Variants in SGPP2 observed in about 807,000 individuals in gnomAD.
The protein encoded by SGPP2 is sphingosine 1-phosphate phosphohydrolase 2.
Under a neutral mutation model 33.9 loss-of-function variants are expected in SGPP2, and 30 were observed. The ratio of observed to expected loss-of-function variants is 0.89; its 90% CI spans 0.66 to 1.20. The LOEUF (loss-of-function observed/expected upper bound fraction) is 1.20. SGPP2 is among the 50% of genes most tolerant of loss of function. SGPP2 has a pLI of 0.00. For missense variants in SGPP2, 458 were observed against 532.1 expected, an observed-to-expected ratio of 0.86 and a Z score of 1.37; for synonymous variants, 233 against 225.0, an observed-to-expected ratio of 1.04 and a Z score of -0.32.
chr2:222,522,961 G>A (rs555647028), intron 3 of SGPP2, among the ~76,000 whole-genome samples: 27 of 152,220 alleles, frequency 1.8e-4, no homozygotes, highest in Non-Finnish European at 3.5e-4. Context: ...GGGATTACAG[G>A]CATGAGCCAC....
intron 4 of SGPP2, among the ~76,000 whole-genome samples, chr2:222,539,044 C>G (rs1698955686): frequency 6.6e-6 from 1 of 152,174 alleles, no homozygotes; most frequent in African/African-American, 2.4e-5. Context: ...AACAGTCCCC[C>G]AAAGTCTTAA....
chr2:222,467,732 C>T (rs1697767106), intron 1 of SGPP2, among the ~76,000 whole-genome samples: 1 of 151,842 alleles, frequency 6.6e-6, no homozygotes, highest in Non-Finnish European at 1.5e-5. Context: ...AGCTTTGAAT[C>T]TTAACATTAT....
rs531473173 is a variant in SGPP2 at position 222,452,914 on chromosome 2, T to G, written c.220-21654T>G. The stretch of plus-strand genomic sequence containing the variant: ...ACCTGTTTGTAGCTAAGGTTCAGGA[T>G]ATTGGAAAGTTCTTGCATCTGTTGA... On this transcript the variant is annotated intron_variant, in intron 1 of 4. Coordinates refer to ENST00000321276, the MANE Select transcript of SGPP2 (RefSeq NM_152386.4). 1.0e-5 allele frequency: 16 copies of G among 1,589,168 alleles called. No individual in the cohort carries two copies. The African/African-American group carries it at 1.6e-4, about 16-fold the overall frequency.
intron 1 of SGPP2, among the ~76,000 whole-genome samples, chr2:222,437,610 G>T (rs1237735281): frequency 1.3e-5 from 2 of 152,154 alleles, no homozygotes; most frequent in Non-Finnish European, 2.9e-5. Flanking sequence ...TGTGCCTTCA[G>T]GACCTGCTCT....
intron 2 of SGPP2, among the ~76,000 whole-genome samples, chr2:222,487,687 G>C (rs1425800976): frequency 6.6e-6 from 1 of 152,180 alleles, no homozygotes; most frequent in African/African-American, 2.4e-5. Flanking sequence ...TCACAGGAGA[G>C]ACAGTCCGGT....
chr2:222,510,665 G>C (rs1698513514), intron 2 of SGPP2, among the ~76,000 whole-genome samples: 1 of 152,138 alleles, frequency 6.6e-6, no homozygotes, highest in South Asian at 2.1e-4. Flanking sequence ...AGAGCCTCTT[G>C]GTGCTCCGTT....
At position 222,474,695 on chromosome 2, in the gene SGPP2, A is replaced by G; in HGVS notation, c.347A>G (p.Tyr116Cys). The G allele has an allele frequency of 6.2e-7, 1 of 1,613,840 alleles. No homozygotes were observed. Among genetic ancestry groups the G allele is most frequent in the Non-Finnish European group, 8.5e-7 (1 of 1,179,842 alleles). ...LPFTHWNIDPYLSRRLIIIWV... is the reference protein window; with the variant it reads ...LPFTHWNIDPCLSRRLIIIWV... The stretch of plus-strand genomic sequence containing the variant: ...TTCACTCACTGGAATATTGACCCTT[A>G]TTTATCCAGAAGATTGATCATCATA... Residue 116 changes from tyrosine (Y) to cysteine (C), a missense_variant, in exon 2 of 5, where the codon TAT becomes TGT. By Grantham distance (194) the Tyr-to-Cys change is radical. Coordinates refer to ENST00000321276, the MANE Select transcript of SGPP2 (RefSeq NM_152386.4).
intron 1 of SGPP2, among the ~76,000 whole-genome samples, chr2:222,427,578 A>G (rs1317890918): frequency 2.0e-5 from 3 of 151,948 alleles, no homozygotes; most frequent in Non-Finnish European, 2.9e-5. Flanking sequence ...GTGACTGGCG[A>G]TGTTTCGTTT....
At chr2:222,540,240 C>A (rs939257188) in intron 4 of SGPP2, among the ~76,000 whole-genome samples, 2 of 152,116 alleles carry the variant, frequency 1.3e-5, no homozygotes, top group Non-Finnish European at 2.9e-5. Flanking sequence ...ATTTATGTTT[C>A]ATATACACCT....
chr2:222,428,552 A>T (rs1697105924), intron 1 of SGPP2, among the ~76,000 whole-genome samples: 1 of 152,170 alleles, frequency 6.6e-6, no homozygotes, highest in East Asian at 1.9e-4. Flanking sequence ...AGGTTCAAAG[A>T]TAAGTTGTTT....
chr2:222,442,591 A>C (rs900773304), intron 1 of SGPP2, among the ~76,000 whole-genome samples: 2 of 152,336 alleles, frequency 1.3e-5, no homozygotes, highest in African/African-American at 4.8e-5. Flanking sequence ...CAGTATCATA[A>C]AATTTGATTA....
chr2:222,512,198 AGATGGGGTTTCACCGTGTTAGCCAG>A (rs1698540033), intron 2 of SGPP2, among the ~76,000 whole-genome samples: 2 of 151,324 alleles, frequency 1.3e-5, no homozygotes, highest in Non-Finnish European at 2.9e-5. Context: ...TTTTTGGTAG[AGATGGGGTTTCACCGTGTTAGCCAG>A]GATGGTCTCA....
At chr2:222,548,991 G>C (rs1189942325) in intron 4 of SGPP2, among the ~76,000 whole-genome samples, 2 of 152,176 alleles carry the variant, frequency 1.3e-5, no homozygotes, top group Admixed American at 1.3e-4. Context: ...GTTTGTTTCA[G>C]TTTGTTTTAA....
intron 1 of SGPP2, among the ~76,000 whole-genome samples, chr2:222,450,710 G>A (rs919700644): frequency 2.6e-5 from 4 of 152,142 alleles, no homozygotes; most frequent in Admixed American, 6.6e-5. Context: ...GTTCTACCTC[G>A]GATGCCACAT....
intron 1 of SGPP2, among the ~76,000 whole-genome samples, chr2:222,456,339 C>T (rs1386582797): frequency 2.6e-5 from 4 of 152,152 alleles, no homozygotes; most frequent in Non-Finnish European, 5.9e-5. Flanking sequence ...CTGTATTGCA[C>T]CGTCCATATT....
chr2:222,520,947 A>G (rs1698677037), intron 2 of SGPP2, among the ~76,000 whole-genome samples: 1 of 152,054 alleles, frequency 6.6e-6, no homozygotes. Context: ...TTTTGTAGAG[A>G]CAGGGTCTCA....
At chr2:222,486,014 A>T (rs1202468895) in intron 2 of SGPP2, among the ~76,000 whole-genome samples, 1 of 152,208 alleles carries the variant, frequency 6.6e-6, no homozygotes, top group Non-Finnish European at 1.5e-5. Flanking sequence ...GGGGCTTCCC[A>T]GGGAGCCCTC....
At chr2:222,500,914 AG>A in intron 2 of SGPP2, among the ~76,000 whole-genome samples, 1 of 152,232 alleles carries the variant, frequency 6.6e-6, no homozygotes, top group Admixed American at 6.5e-5. Context: ...TTCTAGCGTG[AG>A]GAAATAGAAC....
chr2:222,534,668 A>T (rs1441159550), intron 4 of SGPP2, among the ~76,000 whole-genome samples: 1 of 152,178 alleles, frequency 6.6e-6, no homozygotes, highest in Non-Finnish European at 1.5e-5. Flanking sequence ...TATAAATTAC[A>T]CCCTACCAAG....
Sources: allele counts gnomAD v4.1 joint callset (sites outside exome capture counted in the v4.1 genomes callset), GRCh38; gene constraint gnomAD v4.1.1; transcripts MANE v1.5; gene names NCBI Gene and HGNC (gene_info 2026-07-23, HGNC 2026-07-21).